RXRA: variants seen among roughly 807,000 people sequenced by gnomAD.
RXRA encodes retinoic acid receptor RXR-alpha.
RXRA carries 5 observed loss-of-function variants against 44.5 expected under a neutral mutation model. The ratio of observed to expected loss-of-function variants is 0.11; its 90% CI spans 0.06 to 0.24. RXRA has a LOEUF of 0.24. RXRA is among the 10% of genes least tolerant of loss of function. The pLI is 1.00. For synonymous variants in RXRA, 291 were observed against 271.4 expected (o/e 1.07, Z -0.71); for missense variants, 412 against 646.5 (o/e 0.64, Z 3.93).
At chr9:134,410,709 G>T (rs189660795) in intron 4 of RXRA, among the ~76,000 whole-genome samples, 40 of 152,308 alleles carry the variant, frequency 2.6e-4, no homozygotes, top group South Asian at 4.1e-4. Flanking sequence ...CTGGAGCTGG[G>T]GGGGGAAGGC....
At chr9:134,326,920 G>T (rs1834923531) in intron 1 of RXRA, among the ~76,000 whole-genome samples, 1 of 150,100 alleles carries the variant, frequency 6.7e-6, no homozygotes, top group South Asian at 2.1e-4. Context: ...CCCGGGACGA[G>T]GAGGGGTCTC....
chr9:134,383,612 G>A (rs34350869), intron 1 of RXRA, among the ~76,000 whole-genome samples: 80,208 of 152,044 alleles, frequency 0.53, 23,575 homozygotes, highest in East Asian at 0.73. Flanking sequence ...CCCACTCCCC[G>A]CCCCACTCTG....
chr9:134,353,884 C>T (rs868980511), intron 1 of RXRA, among the ~76,000 whole-genome samples: 1 of 152,330 alleles, frequency 6.6e-6, no homozygotes, highest in Middle Eastern at 3.4e-3. Flanking sequence ...GCGGTGAGCT[C>T]GGACAGCCTG....
intron 2 of RXRA, 125 bp downstream of exon 2, chr9:134,402,007 GCAGAGTATA>G (rs1455113398): frequency 1.1e-5 from 9 of 827,846 alleles, no homozygotes; most frequent in Non-Finnish European, 1.7e-5. Context: ...CCCGCTTGAC[GCAGAGTATA>G]CAGAGCCTCG....
intron 6 of RXRA, chr9:134,425,351 C>T (rs1316284959): frequency 1.0e-6 from 1 of 985,044 alleles, no homozygotes; most frequent in African/African-American, 1.8e-5. Context: ...TGGGTCACAC[C>T]CTGACCCTTG....
chr9:134,351,092 G>A (rs1830216319), intron 1 of RXRA, among the ~76,000 whole-genome samples: 1 of 152,268 alleles, frequency 6.6e-6, no homozygotes, highest in Admixed American at 6.5e-5. Flanking sequence ...GCATTGTGAG[G>A]AAGCGCTGGC....
chr9:134,421,914 T>A (rs1588303029), intron 6 of RXRA, 109 bp downstream of exon 6: 1 of 1,495,074 alleles, frequency 6.7e-7, no homozygotes, highest in Non-Finnish European at 8.9e-7. Flanking sequence ...TCCCCTGTCC[T>A]GGGACACTCC....
intron 1 of RXRA, among the ~76,000 whole-genome samples, chr9:134,368,436 C>G (rs955828397): frequency 6.6e-6 from 1 of 152,246 alleles, no homozygotes; most frequent in African/African-American, 2.4e-5. Flanking sequence ...TTCGGAGATG[C>G]GCCCTCCAGG....
intron 1 of RXRA, among the ~76,000 whole-genome samples, chr9:134,388,982 G>T (rs115626810): frequency 6.6e-6 from 1 of 152,134 alleles, no homozygotes; most frequent in African/African-American, 2.4e-5. Context: ...GCCCCAGAGG[G>T]CTGAGACCCG....
At chr9:134,418,390 G>A (rs12004786) in intron 5 of RXRA, among the ~76,000 whole-genome samples, 26,166 of 152,136 alleles carry the variant, frequency 0.17, 2,523 homozygotes, top group African/African-American at 0.25. Context: ...CTGTGTCTCC[G>A]TGTGGGTTTG....
At chr9:134,415,678 A>G (rs1357795771) in intron 4 of RXRA, among the ~76,000 whole-genome samples, 1 of 151,994 alleles carries the variant, frequency 6.6e-6, no homozygotes, top group East Asian at 1.9e-4. Context: ...CCAGGAGGAG[A>G]AGGGGCCTGG....
At chr9:134,341,848 G>A (rs1830090027) in intron 1 of RXRA, among the ~76,000 whole-genome samples, 1 of 152,202 alleles carries the variant, frequency 6.6e-6, no homozygotes, top group African/African-American at 2.4e-5. Flanking sequence ...ACTGGGCGGT[G>A]TGGTCTTGGA....
At chr9:134,435,067 C>T (rs1458460130) in intron 9 of RXRA, among the ~76,000 whole-genome samples, 2 of 152,344 alleles carry the variant, frequency 1.3e-5, no homozygotes, top group Admixed American at 6.5e-5. Context: ...TGGCCCATCT[C>T]GCCAGCTCAG....
chr9:134,390,658 A>T (rs755315684), intron 1 of RXRA, among the ~76,000 whole-genome samples: 2 of 152,114 alleles, frequency 1.3e-5, no homozygotes, highest in Non-Finnish European at 2.9e-5. Context: ...GGTGTCGTTG[A>T]GCTCCGCCGC....
intron 4 of RXRA, among the ~76,000 whole-genome samples, chr9:134,414,980 G>T (rs899102214): frequency 2.0e-5 from 3 of 152,176 alleles, no homozygotes; most frequent in Admixed American, 6.5e-5. Context: ...GCCTTCTGCA[G>T]CCTCTGCCAG....
At chr9:134,384,716 C>A (rs908332718) in intron 1 of RXRA, among the ~76,000 whole-genome samples, 1 of 152,146 alleles carries the variant, frequency 6.6e-6, no homozygotes, top group Non-Finnish European at 1.5e-5. Flanking sequence ...GGTTCTCTGG[C>A]CCTTTTCTGT....
chr9:134,357,201 T>A (rs556795998), intron 1 of RXRA, among the ~76,000 whole-genome samples: 1 of 151,994 alleles, frequency 6.6e-6, no homozygotes, highest in South Asian at 2.1e-4. Context: ...CACTGAGGCG[T>A]CTAGGGCGGT....
intron 1 of RXRA, among the ~76,000 whole-genome samples, chr9:134,370,623 A>G (rs977496018): frequency 2.6e-5 from 4 of 152,202 alleles, no homozygotes; most frequent in Admixed American, 6.5e-5. Flanking sequence ...GCTGCCTGCT[A>G]TGTGACCTCC....
At chr9:134,395,035 G>T (rs1172601740) in intron 1 of RXRA, among the ~76,000 whole-genome samples, 3 of 152,242 alleles carry the variant, frequency 2.0e-5, no homozygotes, top group Admixed American at 1.3e-4. Flanking sequence ...ACTCACAGAG[G>T]CAGAGGCCGG....
Sources: allele counts gnomAD v4.1 joint callset (sites outside exome capture counted in the v4.1 genomes callset), GRCh38; gene constraint gnomAD v4.1.1; transcripts MANE v1.5; gene names NCBI Gene and HGNC (gene_info 2026-07-23, HGNC 2026-07-21).